DTX1: variants seen among roughly 807,000 people sequenced by gnomAD.
The protein encoded by DTX1 is deltex E3 ubiquitin ligase 1, also known as E3 ubiquitin-protein ligase DTX1.
DTX1 carries 26 observed loss-of-function variants against 57.8 expected under a neutral mutation model. The observed-to-expected ratio is 0.45, with a 90% CI of 0.33 to 0.62. The LOEUF is 0.62. DTX1 is among the 20% of genes least tolerant of loss of function. The pLI, the probability that DTX1 is intolerant of heterozygous loss-of-function variation, is 0.02. For missense variants in DTX1, 704 were observed against 895.3 expected, an observed-to-expected ratio of 0.79 and a Z score of 2.73; for synonymous variants, 398 against 394.1, an observed-to-expected ratio of 1.01 and a Z score of -0.12.
In DTX1 at chr12:113,077,075, C is replaced by T. The variant is rs1309818775; in HGVS notation, c.260-349C>T. On this transcript the variant is annotated intron_variant, in intron 2 of 9. Coordinates refer to ENST00000548759, the MANE Select transcript of DTX1 (RefSeq NM_004416.3). The surrounding 1 kb of genome is among the most constrained non-coding windows in gnomAD (Gnocchi z 7.8). ...GGTTTCCTACCCCAGGCTATCTTGG[C>T]ACCCCCACCCTGTTTGGTGGCTCTC... is the stretch of plus-strand genomic sequence containing the variant. Among the ~76,000 whole-genome samples the T allele has an allele frequency of 6.6e-6, 1 of 152,100 alleles. No homozygotes were observed. The highest frequency in any genetic ancestry group is 1.5e-5 in the Non-Finnish European group (1 of 67,990).
intron 3 of DTX1, among the ~76,000 whole-genome samples, chr12:113,080,047 G>T (rs1360441946): frequency 6.6e-6 from 1 of 151,906 alleles, no homozygotes; most frequent in Non-Finnish European, 1.5e-5. Flanking sequence ...TCTCCAGGAG[G>T]AGGGTTGGCA....
chr12:113,072,126 C>T (rs2044741636), intron 2 of DTX1, among the ~76,000 whole-genome samples: 2 of 152,332 alleles, frequency 1.3e-5, no homozygotes, highest in South Asian at 2.1e-4. Flanking sequence ...CCAATCTCCA[C>T]TCCCTCTCCA....
chr12:113,057,032 G>GAGAC (rs1192610455), intron 1 of DTX1, 88 bp downstream of exon 1: 6 of 152,182 alleles, frequency 3.9e-5, no homozygotes, highest in Non-Finnish European at 8.8e-5. Context: ...GGGGAAGCGG[G>GAGAC]GCTGTTACCC....
intron 2 of DTX1, among the ~76,000 whole-genome samples, chr12:113,071,830 G>T (rs922268244): frequency 6.6e-6 from 1 of 152,242 alleles, no homozygotes; most frequent in Non-Finnish European, 1.5e-5. Context: ...CAGCGGGGAG[G>T]ACAGCAGCTG....
At chr12:113,070,960 A>G (rs2044734521) in intron 2 of DTX1, among the ~76,000 whole-genome samples, 1 of 152,244 alleles carries the variant, frequency 6.6e-6, no homozygotes, top group Non-Finnish European at 1.5e-5. Flanking sequence ...GAGAGTGCTG[A>G]GTGCAGCATG....
Position 113,077,539 on chromosome 12 carries a change from C to G in DTX1, c.375C>G (p.Ile125Met). 1.1e-5 allele frequency: 17 copies of G among 1,613,930 alleles called. No individual in the cohort carries two copies. The highest frequency in any genetic ancestry group is 1.4e-5 in the Non-Finnish European group (16 of 1,179,930). ...GGAWTAYDMD[I>M]CITIQNAYEK... ...CATGGACGGCCTACGATATGGACAT[C>G]TGCATCACCATCCAGAACGCCTACG... The change falls in exon 3 of 10, where the codon ATC (isoleucine) becomes ATG (methionine). Residue 125 changes from isoleucine (I) to methionine (M), a missense_variant. By Grantham distance (10) the Ile-to-Met change is conservative. Around this residue, in one of 3 missense-constraint regions of DTX1, gnomAD observed 237 missense variants for 328.6 expected, o/e 0.72. Coordinates refer to ENST00000548759, the MANE Select transcript of DTX1 (RefSeq NM_004416.3). The surrounding 1 kb of genome is among the most constrained non-coding windows in gnomAD (Gnocchi z 7.8).
intron 3 of DTX1, among the ~76,000 whole-genome samples, chr12:113,082,307 C>G (rs1307470987): frequency 6.6e-6 from 1 of 152,178 alleles, no homozygotes; most frequent in Non-Finnish European, 1.5e-5. Flanking sequence ...CCCCAACGCT[C>G]CATCTCCAAG....
At position 113,094,112 on chromosome 12, in the gene DTX1, TGG is replaced by T. The variant is rs764071516; in HGVS notation, c.1227+19_1227+20del. On this transcript the variant is annotated intron_variant, in intron 6 of 9. Transcript: ENST00000548759. ...CCCACCTGATGAGGTGAGGAGGGGA[TGG>T]GGGGGCTGGGGGAGGGCCCTGGCAT... 1.5e-5 allele frequency: 7 copies of T among 454,794 alleles called. No individual in the cohort carries two copies. Among genetic ancestry groups the T allele is most frequent in the Non-Finnish European group, 2.4e-5 (6 of 249,334 alleles). The allele number at this position is 454,794 out of a possible 1,614,324, so 28.2% of individuals were successfully genotyped here.
chr12:113,071,056 C>G (rs924281490), intron 2 of DTX1, among the ~76,000 whole-genome samples: 4 of 152,220 alleles, frequency 2.6e-5, no homozygotes, highest in African/African-American at 9.6e-5. Flanking sequence ...TCCAGCTTCC[C>G]TTTCTTTTCA....
rs755327446 is a variant in DTX1, at chr12:113,077,437, C to G, written c.273C>G (p.Pro91=). The part of the protein sequence containing the change: ...QFRQDTGTMR[P]VRRNFYDPSS... Reference sequence around the variant, plus strand: ...TTTCGAGTACAGGCACCATGCGGCCCGTGCGGCGCAACTTCTACGACCCGT... The same window carrying G: ...TTTCGAGTACAGGCACCATGCGGCCGGTGCGGCGCAACTTCTACGACCCGT... Residue 91 remains proline (P), a synonymous_variant, in exon 3 of 10, where the codon CCC becomes CCG. Transcript: ENST00000548759. This position sits in a 1 kb window ranked among gnomAD's most constrained non-coding sequence, Gnocchi z 7.8. The G allele has an allele frequency of 5.6e-6, 9 of 1,607,780 alleles. No individual in the cohort carries two copies. The highest frequency in any genetic ancestry group is 7.6e-6 in the Non-Finnish European group (9 of 1,178,936).
intron 3 of DTX1, among the ~76,000 whole-genome samples, chr12:113,081,837 G>A (rs1461012719): frequency 6.6e-6 from 1 of 152,148 alleles, no homozygotes; most frequent in Admixed American, 6.5e-5. Context: ...GGAGACCACC[G>A]GGGGATAGAG....
intron 2 of DTX1, among the ~76,000 whole-genome samples, chr12:113,064,155 C>T (rs558478952): frequency 2.3e-4 from 35 of 152,282 alleles, no homozygotes; most frequent in Non-Finnish European, 4.0e-4. Flanking sequence ...CCCTTTGGGA[C>T]CCTCTCTCCA....
At chr12:113,088,764 G>A (rs1483351216) in intron 3 of DTX1, among the ~76,000 whole-genome samples, 1 of 152,214 alleles carries the variant, frequency 6.6e-6, no homozygotes, top group Admixed American at 6.5e-5. Context: ...GTCGAGGAGG[G>A]AGGACTACTT....
At chr12:113,089,085 C>T (rs1347396898) in intron 3 of DTX1, among the ~76,000 whole-genome samples, 1 of 152,134 alleles carries the variant, frequency 6.6e-6, no homozygotes, top group Non-Finnish European at 1.5e-5. Flanking sequence ...GAGACCTGTG[C>T]TAAGTGAGGG....
intron 3 of DTX1, among the ~76,000 whole-genome samples, chr12:113,087,900 C>T (rs778962161): frequency 1.3e-5 from 2 of 152,158 alleles, no homozygotes; most frequent in African/African-American, 4.8e-5. Context: ...GTCAGTGTTT[C>T]GGGATCCTGG....
intron 5 of DTX1, 21 bp from the exon 6 acceptor site, chr12:113,094,017 C>T: frequency 1.3e-6 from 2 of 1,567,654 alleles, no homozygotes; most frequent in Non-Finnish European, 1.7e-6. Flanking sequence ...CCCTCAAACC[C>T]ACCCCGCTGT....
In DTX1 at chr12:113,077,432, C is replaced by T. The variant is rs747371751; in HGVS notation, c.268C>T (p.Arg90Trp). 1 of 1,604,966 alleles carries T rather than the reference C, an allele frequency of 6.2e-7. No individual in the cohort carries two copies. The part of the protein sequence containing the change: ...HQFRQDTGTM[R>W]PVRRNFYDPS... ...CCCCATTTCGAGTACAGGCACCATG[C>T]GGCCCGTGCGGCGCAACTTCTACGA... Residue 90 changes from arginine (R) to tryptophan (W), a missense_variant, in exon 3 of 10, where the codon CGG becomes TGG. This residue lies in a region of DTX1 where 237 missense variants were observed against 328.6 expected (regional missense o/e 0.72). Transcript: ENST00000548759. This position sits in a 1 kb window ranked among gnomAD's most constrained non-coding sequence, Gnocchi z 7.8.
At chr12:113,095,591 G>A (rs1950284176) in intron 9 of DTX1, 177 bp downstream of exon 9, 1 of 767,012 alleles carries the variant, frequency 1.3e-6, no homozygotes, top group Admixed American at 2.8e-5. Context: ...CTCGTTTCCT[G>A]AGCCACTGAG....
At chr12:113,079,586 G>A (rs1388576470) in intron 3 of DTX1, among the ~76,000 whole-genome samples, 1 of 134,346 alleles carries the variant, frequency 7.4e-6, no homozygotes, top group African/African-American at 2.8e-5. Context: ...GGAGTGCAGT[G>A]GCACAATCTC....
Sources: allele counts gnomAD v4.1 joint callset (sites outside exome capture counted in the v4.1 genomes callset), GRCh38; gene constraint gnomAD v4.1.1; regional missense constraint gnomAD v4.1.1; non-coding constraint Gnocchi (gnomAD v3.1); transcripts MANE v1.5; gene names NCBI Gene and HGNC (gene_info 2026-07-23, HGNC 2026-07-21).